PCBP3: variants seen among roughly 807,000 people sequenced by gnomAD.
The protein encoded by PCBP3 is poly(rC)-binding protein 3.
In PCBP3, 25 loss-of-function variants were observed where a neutral mutation model predicts 52.7. The observed-to-expected ratio is 0.47, with a 90% CI of 0.35 to 0.66. The LOEUF (loss-of-function observed/expected upper bound fraction) is 0.66. Among genes scored for constraint, PCBP3 ranks in the 30% least tolerant of loss-of-function variants. The probability of loss-of-function intolerance (pLI) is 0.01; values close to 1 mark genes in which losing one functional copy is unlikely to be tolerated. For missense variants in PCBP3, 391 were observed against 490.3 expected (o/e 0.80, Z 1.91); for synonymous variants, 162 against 183.0 (o/e 0.89, Z 0.93).
intron 17 of PCBP3, 145 bp downstream of exon 17, chr21:45,940,344 G>A: frequency 1.4e-6 from 1 of 693,186 alleles, no homozygotes; most frequent in Non-Finnish European, 2.3e-6. Flanking sequence ...CTCCAGGCTG[G>A]ATGGTGGGGA....
chr21:45,646,514 A>G (rs1306534731), intron 1 of PCBP3, among the ~76,000 whole-genome samples: 5 of 152,218 alleles, frequency 3.3e-5, no homozygotes, highest in African/African-American at 1.2e-4. Flanking sequence ...TTTACAAAGC[A>G]AAGGAATTTA....
At chr21:45,806,280 G>A (rs183542016) in intron 4 of PCBP3, among the ~76,000 whole-genome samples, 5 of 152,276 alleles carry the variant, frequency 3.3e-5, no homozygotes, top group East Asian at 1.9e-4. Flanking sequence ...GCAGAGACTC[G>A]AGCAGGGTGG....
intron 5 of PCBP3, among the ~76,000 whole-genome samples, chr21:45,868,807 C>T (rs989519238): frequency 6.6e-6 from 1 of 152,200 alleles, no homozygotes; most frequent in Admixed American, 6.5e-5. Context: ...CCATGGCGGA[C>T]GTCCTCACCC....
intron 5 of PCBP3, among the ~76,000 whole-genome samples, chr21:45,868,902 CT>C (rs1275948093): frequency 6.6e-6 from 1 of 152,226 alleles, no homozygotes; most frequent in Non-Finnish European, 1.5e-5. Context: ...GGACACTTCT[CT>C]TTCAGATCCT....
At chr21:45,759,410 C>T (rs2088396059) in intron 4 of PCBP3, among the ~76,000 whole-genome samples, 1 of 152,154 alleles carries the variant, frequency 6.6e-6, no homozygotes, top group Admixed American at 6.5e-5. Context: ...GGAACAGCTT[C>T]CGCTAACATT....
chr21:45,658,361 A>G (rs1157735851), intron 1 of PCBP3, among the ~76,000 whole-genome samples: 1 of 152,006 alleles, frequency 6.6e-6, no homozygotes, highest in African/African-American at 2.4e-5. Context: ...TGGAGTGCAG[A>G]GGTGCGATCT....
At chr21:45,921,138 TAGTC>T (rs1399054608) in intron 13 of PCBP3, among the ~76,000 whole-genome samples, 2 of 152,234 alleles carry the variant, frequency 1.3e-5, no homozygotes, top group Non-Finnish European at 2.9e-5. Context: ...TAGGTAACAA[TAGTC>T]AGGAAGCAAT....
At chr21:45,894,637 C>T (rs1173013559) in intron 5 of PCBP3, among the ~76,000 whole-genome samples, 2 of 152,226 alleles carry the variant, frequency 1.3e-5, no homozygotes, top group African/African-American at 4.8e-5. Flanking sequence ...GAGCTGTCCG[C>T]GCTGCCAGAA....
At chr21:45,718,842 G>A (rs955372325) in intron 2 of PCBP3, among the ~76,000 whole-genome samples, 1 of 152,146 alleles carries the variant, frequency 6.6e-6, no homozygotes. Context: ...AAAAATGAAT[G>A]TGATTGCCAC....
intron 4 of PCBP3, among the ~76,000 whole-genome samples, chr21:45,822,906 C>T (rs1225781161): frequency 6.6e-6 from 1 of 152,110 alleles, no homozygotes; most frequent in Non-Finnish European, 1.5e-5. Context: ...GAGGAAGCCC[C>T]CAGAGGTGAA....
At chr21:45,825,572 C>T (rs774205256) in intron 4 of PCBP3, among the ~76,000 whole-genome samples, 1 of 152,188 alleles carries the variant, frequency 6.6e-6, no homozygotes, top group Non-Finnish European at 1.5e-5. Flanking sequence ...AGATCAGTGT[C>T]ACCGTGGATG....
chr21:45,696,659 C>T (rs1260937405), intron 2 of PCBP3, among the ~76,000 whole-genome samples: 7 of 151,952 alleles, frequency 4.6e-5, no homozygotes, highest in Admixed American at 2.0e-4. Context: ...GGCATGGTGG[C>T]GCACGCCTGT....
At chr21:45,875,437 G>A (rs2095226068) in intron 5 of PCBP3, among the ~76,000 whole-genome samples, 1 of 152,240 alleles carries the variant, frequency 6.6e-6, no homozygotes, top group South Asian at 2.1e-4. Flanking sequence ...GCACCATGGG[G>A]ATGCATTGGG....
chr21:45,743,608 C>G (rs1318716396), intron 3 of PCBP3, among the ~76,000 whole-genome samples: 1 of 151,978 alleles, frequency 6.6e-6, no homozygotes, highest in East Asian at 1.9e-4. Flanking sequence ...CTTATTGGGA[C>G]TAGAATAAGG....
chr21:45,891,771 G>A (rs751048509), intron 5 of PCBP3, among the ~76,000 whole-genome samples: 3 of 152,192 alleles, frequency 2.0e-5, no homozygotes, highest in South Asian at 2.1e-4. Context: ...ACGGTGAGTC[G>A]GTCTGTGCCA....
At chr21:45,900,702 C>T (rs1374484577) in intron 8 of PCBP3, 79 bp downstream of exon 8, 2 of 1,082,510 alleles carry the variant, frequency 1.8e-6, no homozygotes, top group Non-Finnish European at 2.9e-6. Flanking sequence ...CCCCTGCCGA[C>T]GTCCTGCCTG....
At chr21:45,822,738 A>G (rs1046200709) in intron 4 of PCBP3, among the ~76,000 whole-genome samples, 2 of 150,714 alleles carry the variant, frequency 1.3e-5, no homozygotes, top group African/African-American at 5.0e-5. Flanking sequence ...GACCTGGCAC[A>G]GGACACACCC....
chr21:45,835,069 C>T (rs1034804964), intron 4 of PCBP3, among the ~76,000 whole-genome samples: 9 of 152,198 alleles, frequency 5.9e-5, no homozygotes, highest in African/African-American at 2.2e-4. Flanking sequence ...GGGGCTGCTC[C>T]CCACTCACAG....
At chr21:45,797,855 C>T (rs142024019) in intron 4 of PCBP3, among the ~76,000 whole-genome samples, 45 of 98,770 alleles carry the variant, frequency 4.6e-4, no homozygotes, top group Middle Eastern at 0.01. Context: ...CATGGATGGA[C>T]GAATGCATGG....
Sources: gnomAD v4.1 joint callset for allele counts (sites outside exome capture counted in the v4.1 genomes callset) on GRCh38, gnomAD v4.1.1 for gene constraint, MANE v1.5 for transcripts, NCBI Gene and HGNC (gene_info 2026-07-23, HGNC 2026-07-21) for gene names.